The following ATP2C2 variants were observed in gnomAD, a reference collection of about 807,000 sequenced individuals.
The protein encoded by ATP2C2 is calcium-transporting ATPase type 2C member 2.
ATP2C2 carries 171 observed loss-of-function variants against 110.8 expected under a neutral mutation model. The ratio of observed to expected loss-of-function variants is 1.54; its 90% confidence interval spans 1.36 to 1.75. The LOEUF (loss-of-function observed/expected upper bound fraction) is 1.75, where lower values mean the gene tolerates loss of function less well. Ranked by LOEUF, ATP2C2 falls within the 40% of genes most tolerant of loss-of-function variation. The pLI, the probability that ATP2C2 is intolerant of heterozygous loss-of-function variation, is 0.00. For missense variants in ATP2C2, 1,963 were observed against 1,235.0 expected (o/e 1.59, Z -8.84); for synonymous variants, 804 against 508.4 (o/e 1.58, Z -7.82).
At chr16:84,410,947 T>C in intron 6 of ATP2C2, 182 bp downstream of exon 6, 3 of 631,520 alleles carry the variant, frequency 4.8e-6, no homozygotes, top group South Asian at 1.8e-5. Context: ...CTCGGGCATG[T>C]CACTCAACCT....
intron 1 of ATP2C2, among the ~76,000 whole-genome samples, chr16:84,397,605 T>C (rs978085042): frequency 5.2e-5 from 7 of 134,376 alleles, no homozygotes; most frequent in Non-Finnish European, 1.1e-4. Context: ...GCCTGGGAGG[T>C]TGAGGCTGCA....
intron 26 of ATP2C2, 89 bp from the exon 27 acceptor site, chr16:84,463,525 T>C: frequency 9.1e-7 from 1 of 1,102,960 alleles, no homozygotes; most frequent in Admixed American, 1.7e-5. Context: ...CCTCTCACTT[T>C]ATCAGGAGGA....
At chr16:84,447,852 TTTA>T (rs908015758) in intron 16 of ATP2C2, among the ~76,000 whole-genome samples, 15 of 143,334 alleles carry the variant, frequency 1.0e-4, no homozygotes, top group Admixed American at 7.7e-4. Context: ...TAATATTATA[TTTA>T]TTAATAACAT....
At chr16:84,399,647 A>G (rs1875319859) in intron 2 of ATP2C2, among the ~76,000 whole-genome samples, 1 of 152,160 alleles carries the variant, frequency 6.6e-6, no homozygotes, top group Non-Finnish European at 1.5e-5. Context: ...TTGTGGGTAC[A>G]TAGTAGGTGC....
chr16:84,446,383 A>G lies in ATP2C2; in HGVS notation c.1456A>G (p.Ser486Gly). 1 of 1,607,498 alleles carries G rather than the reference A, an allele frequency of 6.2e-7. No individual in the cohort carries two copies. Among genetic ancestry groups the G allele is most frequent in the Non-Finnish European group, 8.5e-7 (1 of 1,177,656 alleles). Residue 486 changes from serine (S) to glycine (G), a missense_variant, in exon 16 of 27, where the codon AGT becomes GGT. Transcript: ENST00000262429. ...TATAAGAAAAAAAGAGATTCCATTC[A>G]GTTCAGAGCAGAAGTGGATGGCGGT... ...SYIRKKEIPFSSEQKWMAVKC... is the reference protein window; with the variant it reads ...SYIRKKEIPFGSEQKWMAVKC...
At chr16:84,411,292 AC>A (rs34774596) in intron 6 of ATP2C2, among the ~76,000 whole-genome samples, 18,608 of 152,120 alleles carry the variant, frequency 0.12, 1,309 homozygotes, top group Non-Finnish European at 0.15. Flanking sequence ...CACGGCTCTT[AC>A]CAAAGATGTT....
rs764685978 is a variant in ATP2C2, at chr16:84,406,463, A to G, written c.327+1219A>G. ...GGCCCCTGGGCTGCCCCAGGCTTCA[A>G]CCGCCTTCCTATTGGCTCTGTGTTT... is the stretch of plus-strand genomic sequence containing the variant. On this transcript the variant is annotated intron_variant, in intron 3 of 26. Transcript: ENST00000262429. The G allele has an allele frequency of 9.1e-5, 39 of 430,460 alleles. No individual in the cohort carries two copies. The East Asian group carries it at 1.1e-3, about 12-fold the overall frequency. 26.7% of individuals were successfully genotyped at this position (430,460 alleles called of 1,614,324 possible).
intron 6 of ATP2C2, 53 bp from the exon 7 acceptor site, chr16:84,415,430 A>C (rs561594223): frequency 7.5e-6 from 11 of 1,467,988 alleles, no homozygotes; most frequent in South Asian, 2.3e-5. Context: ...ATCAAGGTGC[A>C]TAAAAACAAA....
At chr16:84,459,804 T>A in intron 23 of ATP2C2, 1 of 511,934 alleles carries the variant, frequency 2.0e-6, no homozygotes, top group Non-Finnish European at 3.5e-6. Context: ...GATTGTGATC[T>A]GTCTCCCCTT....
rs184441708 is a variant in ATP2C2 at position 84,438,878 on chromosome 16, C to G, written c.987-288C>G. 1.7e-4 allele frequency among the ~76,000 whole-genome samples: 26 copies of G among 152,292 alleles called. 1 individual carries two copies. The highest frequency in any genetic ancestry group is 1.3e-3 in the Admixed American group (20 of 15,292). On this transcript the variant is annotated intron_variant, in intron 11 of 26. Transcript: ENST00000262429. Reference sequence around the variant, plus strand: ...CTAATAAATGAGAATAATGTCAATGCAAAATACTTTTAAAGAGGCAAAACA... The same window carrying G: ...CTAATAAATGAGAATAATGTCAATGGAAAATACTTTTAAAGAGGCAAAACA...
At chr16:84,401,615 T>A (rs891683405) in intron 2 of ATP2C2, among the ~76,000 whole-genome samples, 1 of 152,222 alleles carries the variant, frequency 6.6e-6, no homozygotes, top group Non-Finnish European at 1.5e-5. Context: ...GTTCTTGACA[T>A]CTTTGTCGAA....
chr16:84,413,878 G>A (rs1345845897), intron 6 of ATP2C2, among the ~76,000 whole-genome samples: 1 of 152,158 alleles, frequency 6.6e-6, no homozygotes, highest in Non-Finnish European at 1.5e-5. Flanking sequence ...GGGCACTGAG[G>A]TTATACAAGT....
At chr16:84,400,397 G>C (rs531520540) in intron 2 of ATP2C2, among the ~76,000 whole-genome samples, 108 of 148,780 alleles carry the variant, frequency 7.3e-4, no homozygotes, top group Middle Eastern at 3.5e-3. Flanking sequence ...CGCGATCTCT[G>C]CTCACTGCAA....
At chr16:84,389,743 T>G (rs2151407375) in intron 1 of ATP2C2, among the ~76,000 whole-genome samples, 1 of 135,044 alleles carries the variant, frequency 7.4e-6, no homozygotes, top group African/African-American at 2.8e-5. Flanking sequence ...TTTTTTGAGA[T>G]GGAGTTTAGC....
At chr16:84,447,274 A>G (rs1909838018) in intron 16 of ATP2C2, among the ~76,000 whole-genome samples, 1 of 152,110 alleles carries the variant, frequency 6.6e-6, no homozygotes, top group South Asian at 2.1e-4. Context: ...ACACATGTAC[A>G]TTTCAGGGGC....
rs938164502 is a variant in ATP2C2, at chr16:84,439,250, G to A, written c.1071G>A (p.Lys357=). 1.9e-6 allele frequency: 3 copies of A among 1,612,360 alleles called. No individual in the cohort carries two copies. Among genetic ancestry groups the A allele is most frequent in the Non-Finnish European group, 2.5e-6 (3 of 1,180,038 alleles). Residue 357 remains lysine (K), a synonymous_variant, in exon 12 of 27, where the codon AAG becomes AAA. Transcript: ENST00000262429. ...TGGGAGTGCTGCGGATGGCCAAGAA[G>A]CGGGTCATCGTGAAGAAGTTACCCA... is the stretch of plus-strand genomic sequence containing the variant. ...LVLGVLRMAK[K]RVIVKKLPIV...
At chr16:84,426,838 G>T (rs1439233863) in intron 11 of ATP2C2, among the ~76,000 whole-genome samples, 4 of 152,206 alleles carry the variant, frequency 2.6e-5, no homozygotes, top group African/African-American at 9.6e-5. Flanking sequence ...ATGATGCTAA[G>T]CCGAGGGGAC....
chr16:84,438,525 C>G (rs1393647226), intron 11 of ATP2C2, among the ~76,000 whole-genome samples: 2 of 152,196 alleles, frequency 1.3e-5, no homozygotes, highest in African/African-American at 4.8e-5. Flanking sequence ...ACCAGCTCAG[C>G]TTGGGTCACA....
intron 1 of ATP2C2, among the ~76,000 whole-genome samples, chr16:84,373,760 A>G (rs1331766433): frequency 6.6e-6 from 1 of 152,152 alleles, no homozygotes; most frequent in African/African-American, 2.4e-5. Context: ...AAAATCCTAG[A>G]ACCACATCTG....
Sources: gnomAD v4.1 joint callset for allele counts (sites outside exome capture counted in the v4.1 genomes callset) on GRCh38, gnomAD v4.1.1 for gene constraint, MANE v1.5 for transcripts, NCBI Gene and HGNC (gene_info 2026-07-23, HGNC 2026-07-21) for gene names.